NR6A1: variants seen among roughly 807,000 people sequenced by gnomAD.
NR6A1 encodes the protein nuclear receptor subfamily 6 group A member 1.
Under a neutral mutation model 59.1 loss-of-function variants are expected in NR6A1, and 7 were observed. The ratio of observed to expected loss-of-function variants is 0.12; its 90% CI spans 0.07 to 0.22. NR6A1 has a LOEUF of 0.22. Ranked by LOEUF, NR6A1 falls within the 10% of genes least tolerant of loss-of-function variation. NR6A1 has a pLI of 1.00. For synonymous variants in NR6A1, 243 were observed against 236.1 expected (o/e 1.03, Z -0.27); for missense variants, 468 against 611.6 (o/e 0.77, Z 2.48).
intron 9 of NR6A1, 69 bp downstream of exon 9, chr9:124,524,652 C>A: frequency 6.4e-7 from 1 of 1,563,350 alleles, no homozygotes; most frequent in South Asian, 1.2e-5. Flanking sequence ...GAAAACACTG[C>A]TTGCCTCATT....
chr9:124,734,093 T>C (rs1839956219), intron 1 of NR6A1, among the ~76,000 whole-genome samples: 1 of 152,252 alleles, frequency 6.6e-6, no homozygotes, highest in Admixed American at 6.5e-5. Flanking sequence ...TACTTTCTTC[T>C]GTTTGCTTTC....
intron 2 of NR6A1, among the ~76,000 whole-genome samples, chr9:124,612,780 TTTTCTTTCTTTCTTTTCTTTCTTTCTTTC>T (rs1835787385): frequency 6.9e-6 from 1 of 144,758 alleles, no homozygotes; most frequent in South Asian, 2.1e-4. Context: ...TAGTTTGGGT[TTTTCTTTCTTTCTTTTCTTTCTTTCTTTC>T]TTTCTTTCTT....
chr9:124,715,520 A>G (rs1010826710), intron 2 of NR6A1, among the ~76,000 whole-genome samples: 3 of 152,134 alleles, frequency 2.0e-5, no homozygotes, highest in African/African-American at 4.8e-5. Context: ...TCAGTAACAG[A>G]GTGAGACCTA....
intron 7 of NR6A1, among the ~76,000 whole-genome samples, chr9:124,531,429 T>A (rs1181148194): frequency 6.6e-6 from 1 of 152,210 alleles, no homozygotes; most frequent in African/African-American, 2.4e-5. Context: ...GGGAAAAGCC[T>A]TTCCATGACA....
intron 2 of NR6A1, among the ~76,000 whole-genome samples, chr9:124,585,720 A>G (rs546938204): frequency 6.6e-6 from 1 of 152,280 alleles, no homozygotes; most frequent in Non-Finnish European, 1.5e-5. Flanking sequence ...TTTCATAGCT[A>G]GAGAGAAGTC....
intron 3 of NR6A1, among the ~76,000 whole-genome samples, chr9:124,553,205 A>G (rs1177245427): frequency 6.6e-6 from 1 of 152,190 alleles, no homozygotes. Context: ...TTTCTGCTGA[A>G]TGACACTGCT....
In NR6A1 at chr9:124,617,317, A is replaced by G. The variant is rs544775162; in HGVS notation, c.143-62747T>C. 4.6e-5 allele frequency among the ~76,000 whole-genome samples: 7 copies of G among 152,314 alleles called. No individual in the cohort carries two copies. The East Asian group carries it at 1.4e-3, about 29-fold the overall frequency. The stretch of plus-strand genomic sequence containing the variant: ...ATAAGGCATTTCTTCAATGGCTGCA[A>G]TTGGTATATTCTGCCTGGTTTTTGT... On this transcript the variant is annotated intron_variant, in intron 2 of 9. Transcript: ENST00000487099.
intron 2 of NR6A1, among the ~76,000 whole-genome samples, chr9:124,564,609 C>T (rs139647818): frequency 8.5e-5 from 13 of 152,074 alleles, no homozygotes; most frequent in Admixed American, 1.3e-4. Context: ...GGATATATGA[C>T]GCTCATGGAT....
intron 2 of NR6A1, among the ~76,000 whole-genome samples, chr9:124,694,671 C>T (rs1838684022): frequency 1.3e-5 from 2 of 152,122 alleles, no homozygotes; most frequent in African/African-American, 4.8e-5. Flanking sequence ...AAACAAGGCC[C>T]TTGGTCATGA....
intron 2 of NR6A1, among the ~76,000 whole-genome samples, chr9:124,667,553 G>A (rs1837661690): frequency 6.6e-6 from 1 of 152,138 alleles, no homozygotes; most frequent in Non-Finnish European, 1.5e-5. Flanking sequence ...TCCTCACACA[G>A]ATTTCAAAGG....
chr9:124,735,533 G>C (rs1482222318), intron 1 of NR6A1, among the ~76,000 whole-genome samples: 1 of 152,190 alleles, frequency 6.6e-6, no homozygotes, highest in Non-Finnish European at 1.5e-5. Context: ...GAAAGTCATA[G>C]AATCAGGAAA....
chr9:124,676,846 T>C (rs2130982303), intron 2 of NR6A1, among the ~76,000 whole-genome samples: 1 of 152,322 alleles, frequency 6.6e-6, no homozygotes, highest in South Asian at 2.1e-4. Flanking sequence ...CAGTAAGTAC[T>C]AGACAAACTT....
intron 2 of NR6A1, among the ~76,000 whole-genome samples, chr9:124,685,210 T>C (rs1226006476): frequency 6.6e-6 from 1 of 152,224 alleles, no homozygotes; most frequent in Non-Finnish European, 1.5e-5. Context: ...CAGAATAATA[T>C]GAACGCTTTT....
intron 2 of NR6A1, among the ~76,000 whole-genome samples, chr9:124,644,190 C>T (rs977398225): frequency 2.0e-5 from 3 of 151,958 alleles, no homozygotes; most frequent in African/African-American, 7.2e-5. Context: ...GCGTGAGCCA[C>T]CGCGCCTGGC....
chr9:124,602,109 G>A (rs1298943945), intron 2 of NR6A1, among the ~76,000 whole-genome samples: 1 of 152,204 alleles, frequency 6.6e-6, no homozygotes, highest in Non-Finnish European at 1.5e-5. Context: ...GCGAACTGAG[G>A]AACCTGGAAA....
intron 2 of NR6A1, chr9:124,692,617 C>G (rs1279434348): frequency 6.1e-6 from 2 of 330,404 alleles, no homozygotes; most frequent in Non-Finnish European, 1.4e-5. Flanking sequence ...ATGAGTTCAC[C>G]AGAAATGGTC....
intron 2 of NR6A1, among the ~76,000 whole-genome samples, chr9:124,657,003 G>A (rs1008933424): frequency 2.6e-5 from 4 of 151,882 alleles, no homozygotes; most frequent in Non-Finnish European, 4.4e-5. Flanking sequence ...GCAAAACAAC[G>A]TGAATGCACT....
intron 2 of NR6A1, among the ~76,000 whole-genome samples, chr9:124,590,043 G>A (rs1402415167): frequency 1.9e-5 from 2 of 104,748 alleles, no homozygotes; most frequent in Non-Finnish European, 3.4e-5. Context: ...CCAGCCTGGT[G>A]ACAGAGCAAG....
intron 2 of NR6A1, among the ~76,000 whole-genome samples, chr9:124,687,097 T>C (rs1470108316): frequency 6.6e-6 from 1 of 151,794 alleles, no homozygotes; most frequent in Non-Finnish European, 1.5e-5. Context: ...TTACTTGGCC[T>C]GTCCACATCC....
Sources: allele counts gnomAD v4.1 joint callset (sites outside exome capture counted in the v4.1 genomes callset), GRCh38; gene constraint gnomAD v4.1.1; transcripts MANE v1.5; gene names NCBI Gene and HGNC (gene_info 2026-07-23, HGNC 2026-07-21).